Variants in EPG5 observed in about 807,000 individuals in gnomAD.
EPG5 encodes ectopic P granules protein 5 homolog.
A neutral mutation model predicts 302.7 loss-of-function variants in EPG5; 159 were observed. That is an observed-to-expected ratio of 0.53 (90% confidence interval 0.46 to 0.60). The LOEUF is 0.60. Ranked by LOEUF, EPG5 falls within the 20% of genes least tolerant of loss-of-function variation. The pLI, the probability that EPG5 is intolerant of heterozygous loss-of-function variation, is 0.00. For missense variants in EPG5, 2,896 were observed against 3,092.4 expected (o/e 0.94, Z 1.51); for synonymous variants, 1,158 against 1,136.8 (o/e 1.02, Z -0.37).
chr18:45,856,941 C>T (rs1340663968), intron 42 of EPG5, among the ~76,000 whole-genome samples: 3 of 152,042 alleles, frequency 2.0e-5, no homozygotes, highest in South Asian at 4.2e-4. Flanking sequence ...TTTTTTGAGA[C>T]AGAGTCTTGC....
chr18:45,867,041 A>T (rs553986139), intron 37 of EPG5, 34 bp from the exon 38 acceptor site: 1 of 1,553,110 alleles, frequency 6.4e-7, no homozygotes, highest in Non-Finnish European at 8.9e-7. Flanking sequence ...TTAGTTCCAG[A>T]GCCCCAATTT....
intron 19 of EPG5, 87 bp from the exon 20 acceptor site, chr18:45,915,708 C>A: frequency 1.0e-6 from 1 of 981,570 alleles, no homozygotes; most frequent in East Asian, 2.5e-5. Flanking sequence ...AACTGTCTTA[C>A]TACAATACAA....
chr18:45,806,932 A>T, the EPG5 span, among the ~76,000 whole-genome samples: 1 of 152,164 alleles, frequency 6.6e-6, no homozygotes, highest in Non-Finnish European at 1.5e-5. Flanking sequence ...AAGGAAAGAC[A>T]TACTTGCTAC....
At chr18:45,801,374 G>T in the EPG5 span, among the ~76,000 whole-genome samples, 1 of 152,118 alleles carries the variant, frequency 6.6e-6, no homozygotes, top group Non-Finnish European at 1.5e-5. Context: ...TCACTATGTT[G>T]TCCAGGCTGG....
Position 45,929,000 on chromosome 18 carries a change from C to T in EPG5, c.2422G>A (p.Val808Ile). The change falls in exon 13 of 44, where the codon GTC (valine) becomes ATC (isoleucine). Residue 808 changes from valine to isoleucine, a missense_variant. Transcript: ENST00000282041. Reference protein sequence around the residue: ...IVLEIYEVSYVTLSTRETFSK... With the variant: ...IVLEIYEVSYITLSTRETFSK... ...AAAGTCTCTCTGGTAGACAAGGTGA[C>T]ATAAGATACCTAAATGGGGGGAAGG... 6.2e-7 allele frequency: 1 copy of T among 1,613,652 alleles called. No homozygotes were observed. Among genetic ancestry groups the T allele is most frequent in the Non-Finnish European group, 8.5e-7 (1 of 1,179,782 alleles).
chr18:45,818,869 G>A, the EPG5 span, among the ~76,000 whole-genome samples: 18 of 150,178 alleles, frequency 1.2e-4, no homozygotes, highest in Non-Finnish European at 5.9e-5. Flanking sequence ...GAATAATTTG[G>A]GTTACAGGCA....
chr18:45,967,128 G>C, intron 1 of EPG5, 49 bp downstream of exon 1: 2 of 1,541,012 alleles, frequency 1.3e-6, no homozygotes. Context: ...GAGGAGCAAG[G>C]AGACACAGCA....
At position 45,946,123 on chromosome 18, in the gene EPG5, G is replaced by A. The variant is rs569358642; in HGVS notation, c.1677+540C>T. 5.9e-5 allele frequency among the ~76,000 whole-genome samples: 9 copies of A among 152,310 alleles called. No homozygotes were observed. The East Asian group carries it at 1.7e-3, about 29-fold the overall frequency. Reference sequence around the variant, plus strand: ...AGTAGAAAGGAAAATTAACAAGGGTGATCTCGAGAAGCTGGATTTTGATCA... The same window carrying A: ...AGTAGAAAGGAAAATTAACAAGGGTAATCTCGAGAAGCTGGATTTTGATCA... On this transcript the variant is annotated intron_variant, in intron 7 of 43. Coordinates refer to ENST00000282041, the MANE Select transcript of EPG5 (RefSeq NM_020964.3).
the EPG5 span, among the ~76,000 whole-genome samples, chr18:45,811,911 G>C: frequency 6.6e-6 from 1 of 152,064 alleles, no homozygotes; most frequent in Non-Finnish European, 1.5e-5. Context: ...TGGAAGTTCT[G>C]GCCAGGGCAA....
intron 26 of EPG5, 141 bp from the exon 27 acceptor site, chr18:45,899,707 G>T: frequency 1.3e-6 from 1 of 794,514 alleles, no homozygotes. Flanking sequence ...CAAAGGTTGT[G>T]AGCCAAGACT....
the EPG5 span, among the ~76,000 whole-genome samples, chr18:45,823,479 A>G: frequency 6.6e-6 from 1 of 152,214 alleles, no homozygotes; most frequent in East Asian, 1.9e-4. Flanking sequence ...GTAAAGCTGT[A>G]TTTCCTTAAC....
intron 10 of EPG5, among the ~76,000 whole-genome samples, chr18:45,939,266 T>C (rs2050608438): frequency 6.6e-6 from 1 of 152,218 alleles, no homozygotes; most frequent in Non-Finnish European, 1.5e-5. Flanking sequence ...TGCGTCTCAC[T>C]GCAGGCACTG....
chr18:45,916,317 C>A, intron 18 of EPG5, 111 bp from the exon 19 acceptor site: 1 of 1,524,828 alleles, frequency 6.6e-7, no homozygotes. Context: ...TATTGCCTTT[C>A]TTGGCCAAAA....
At chr18:45,889,707 G>C (rs2049297231) in intron 28 of EPG5, 91 bp downstream of exon 28, 2 of 1,167,736 alleles carry the variant, frequency 1.7e-6, no homozygotes, top group Non-Finnish European at 2.4e-6. Context: ...ACCTGTGGGT[G>C]CTGCAGGGGT....
the EPG5 span, chr18:45,837,144 ACG>A: frequency 5.0e-6 from 8 of 1,602,684 alleles, no homozygotes; most frequent in Non-Finnish European, 6.8e-6. Flanking sequence ...TGTTTTAACC[ACG>A]AGATCCCAGG....
rs752316096 is a variant in EPG5, at chr18:45,904,103, C to A, written c.4344G>T (p.Glu1448Asp). 6 of 1,611,452 alleles carry A rather than the reference C, an allele frequency of 3.7e-6. No individual in the cohort carries two copies. The highest frequency in any genetic ancestry group is 1.3e-5 in the African/African-American group (1 of 74,862). ...GATAGATGCGCTCCATGTTCAAATA[C>A]TCCATCCACAGATCCTGAAACAGAA... ...VMQNQQDLWM[E>D]YLNMERIYHE... The change falls in exon 25 of 44, where the codon GAG becomes GAT. Residue 1448 changes from glutamate (E) to aspartate (D), a missense_variant. By Grantham distance (45) the Glu-to-Asp change is conservative (BLOSUM62 2). Coordinates refer to ENST00000282041, the MANE Select transcript of EPG5 (RefSeq NM_020964.3).
At position 45,943,159 on chromosome 18, in the gene EPG5, AC is replaced by A. The variant is rs1189284692; in HGVS notation, c.1943+1del. ...AGAAGGGTAGAGCAACAGCAGTATTACCTGATCATATAACCAATTCGCTTCA... is the reference window on the plus strand; with the variant it reads ...AGAAGGGTAGAGCAACAGCAGTATTACTGATCATATAACCAATTCGCTTCA... On this transcript the variant is annotated splice_donor_variant, in intron 9 of 43. Coordinates refer to ENST00000282041, the MANE Select transcript of EPG5 (RefSeq NM_020964.3). LOFTEE classifies it high-confidence loss of function. The A allele has an allele frequency of 4.3e-6, 7 of 1,613,968 alleles. No homozygotes were observed. In the Admixed American group the frequency reaches 1.2e-4, roughly 27 times the overall value.
the EPG5 span, among the ~76,000 whole-genome samples, chr18:45,827,518 T>C: frequency 6.6e-6 from 1 of 152,024 alleles, no homozygotes; most frequent in Non-Finnish European, 1.5e-5. Context: ...GTTGAGGGTG[T>C]GGATGTTGGC....
the EPG5 span, chr18:45,840,296 AC>A: frequency 6.4e-7 from 1 of 1,558,812 alleles, no homozygotes; most frequent in Admixed American, 1.9e-5. Context: ...AGTCCTCATC[AC>A]CCAGGGGGTC....
Sources: allele counts gnomAD v4.1 joint callset (sites outside exome capture counted in the v4.1 genomes callset), GRCh38; gene constraint gnomAD v4.1.1; transcripts MANE v1.5; gene names NCBI Gene and HGNC (gene_info 2026-07-23, HGNC 2026-07-21).